Variants in DMRT1 observed in about 807,000 individuals in gnomAD.
DMRT1 encodes the protein doublesex and mab-3 related transcription factor 1.
Under a neutral mutation model 32.3 loss-of-function variants are expected in DMRT1, and 7 were observed. The observed-to-expected ratio is 0.22, with a 90% CI of 0.12 to 0.41. The LOEUF (loss-of-function observed/expected upper bound fraction) is 0.41, where lower values mean the gene tolerates loss of function less well. Among genes scored for constraint, DMRT1 ranks in the 10% least tolerant of loss-of-function variants. DMRT1 has a pLI of 1.00. For synonymous variants in DMRT1, 278 were observed against 206.1 expected, an observed-to-expected ratio of 1.35 and a Z score of -2.99; for missense variants, 625 against 500.5, an observed-to-expected ratio of 1.25 and a Z score of -2.37.
intron 2 of DMRT1, among the ~76,000 whole-genome samples, chr9:849,634 G>A (rs1356003495): frequency 1.3e-5 from 2 of 152,178 alleles, no homozygotes; most frequent in Non-Finnish European, 2.9e-5. Context: ...GGGTCAAGGA[G>A]GATTTAACCA....
intron 4 of DMRT1, among the ~76,000 whole-genome samples, chr9:957,441 A>G (rs909588122): frequency 2.0e-5 from 3 of 152,236 alleles, no homozygotes; most frequent in African/African-American, 7.2e-5. Context: ...TTATTTCAGA[A>G]AAGCCTACAC....
At chr9:924,507 A>G (rs1189281490) in intron 4 of DMRT1, among the ~76,000 whole-genome samples, 3 of 152,192 alleles carry the variant, frequency 2.0e-5, no homozygotes, top group African/African-American at 4.8e-5. Context: ...ATATACTTGT[A>G]TGTAGACCTT....
rs201243639 is a variant in DMRT1 at position 848,295 on chromosome 9, G to A, written c.538+1152G>A. ...TTTTTTTCCTCTTGTCAAAAATGAG[G>A]GAAAGGGTTCCTGAGGGTCTTAAAG... On this transcript the variant is annotated intron_variant, in intron 2 of 4. Transcript: ENST00000382276. 2.6e-5 allele frequency among the ~76,000 whole-genome samples: 4 copies of A among 152,198 alleles called. No homozygotes were observed. In the East Asian group the frequency reaches 7.7e-4, roughly 29 times the overall value.
At chr9:952,551 G>T (rs1042450765) in intron 4 of DMRT1, among the ~76,000 whole-genome samples, 1 of 152,204 alleles carries the variant, frequency 6.6e-6, no homozygotes, top group Non-Finnish European at 1.5e-5. Context: ...AAATTGGTCA[G>T]TTTTGAGATG....
Position 902,909 on chromosome 9 carries a change from T to C in DMRT1, c.822+8714T>C, listed in dbSNP as rs747723072. ...CAGGTACATGGTGAGGATGTAATGA[T>C]TGGGCCTACTAGGTCAGTAGGCAAG... On this transcript the variant is annotated intron_variant, in intron 3 of 4. Coordinates refer to ENST00000382276, the MANE Select transcript of DMRT1 (RefSeq NM_021951.3). 2.0e-5 allele frequency among the ~76,000 whole-genome samples: 3 copies of C among 152,144 alleles called. No homozygotes were observed. The South Asian group carries it at 6.2e-4, about 32-fold the overall frequency.
chr9:884,135 T>A (rs1023577333), intron 2 of DMRT1, among the ~76,000 whole-genome samples: 1 of 152,084 alleles, frequency 6.6e-6, no homozygotes, highest in African/African-American at 2.4e-5. Flanking sequence ...TGAGTGTGGA[T>A]CCAGATTTGA....
intron 3 of DMRT1, among the ~76,000 whole-genome samples, chr9:904,048 T>C (rs766697413): frequency 1.3e-5 from 2 of 152,226 alleles, no homozygotes; most frequent in Admixed American, 6.5e-5. Flanking sequence ...TACTTCACAA[T>C]TGAATCGGAG....
chr9:880,724 CAA>C (rs754419367), intron 2 of DMRT1, among the ~76,000 whole-genome samples: 33 of 62,088 alleles, frequency 5.3e-4, no homozygotes, highest in African/African-American at 8.7e-4. Context: ...AACTCAGTCT[CAA>C]AAAAAAAAAA....
intron 4 of DMRT1, among the ~76,000 whole-genome samples, chr9:942,952 A>G (rs75499547): frequency 0.012 from 1,795 of 152,314 alleles, 37 homozygotes; most frequent in African/African-American, 0.041. Context: ...GCAGGAATTC[A>G]AAACCAGATC....
At chr9:887,080 A>G (rs1030650824) in intron 2 of DMRT1, among the ~76,000 whole-genome samples, 6 of 152,130 alleles carry the variant, frequency 3.9e-5, no homozygotes, top group Non-Finnish European at 8.8e-5. Context: ...AATCTCAGCT[A>G]CTCCAGAGGC....
At position 894,031 on chromosome 9, in the gene DMRT1, C is replaced by T; in HGVS notation, c.658C>T (p.Pro220Ser). The change falls in exon 3 of 5, where the codon CCT becomes TCT. Residue 220 changes from proline (P) to serine (S), a missense_variant. Coordinates refer to ENST00000382276, the MANE Select transcript of DMRT1 (RefSeq NM_021951.3). ...YSSFYQPSLF[P>S]YYNNLYNCPQ... Reference sequence around the variant, plus strand: ...CAGCTTCTACCAGCCGTCTCTGTTTCCTTATTACAACAATCTATACAACTG... The same window carrying T: ...CAGCTTCTACCAGCCGTCTCTGTTTTCTTATTACAACAATCTATACAACTG... 6.2e-7 allele frequency: 1 copy of T among 1,614,258 alleles called. No individual in the cohort carries two copies.
At chr9:906,823 G>T (rs1170737466) in intron 3 of DMRT1, among the ~76,000 whole-genome samples, 2 of 152,154 alleles carry the variant, frequency 1.3e-5, no homozygotes, top group Non-Finnish European at 2.9e-5. Context: ...AAGTTTCCTT[G>T]GTTTAGTAGA....
chr9:966,223 T>C (rs1011897298), intron 4 of DMRT1, among the ~76,000 whole-genome samples: 1 of 152,240 alleles, frequency 6.6e-6, no homozygotes, highest in Non-Finnish European at 1.5e-5. Flanking sequence ...TTTAGTAAGA[T>C]ACTTTTATGA....
chr9:924,017 C>T (rs1818439520), intron 4 of DMRT1, among the ~76,000 whole-genome samples: 2 of 151,106 alleles, frequency 1.3e-5, no homozygotes, highest in South Asian at 2.1e-4. Flanking sequence ...TCCCAGGAGA[C>T]GAGGTCTTGC....
At chr9:933,469 C>G (rs982344625) in intron 4 of DMRT1, among the ~76,000 whole-genome samples, 3 of 152,278 alleles carry the variant, frequency 2.0e-5, no homozygotes, top group Non-Finnish European at 4.4e-5. Flanking sequence ...TAAGCCGATG[C>G]TGAATAGAGA....
chr9:894,470 T>C lies in DMRT1; in HGVS notation c.822+275T>C. 5.9e-6 allele frequency: 3 copies of C among 508,750 alleles called. 1 individual carries two copies. The highest frequency in any genetic ancestry group is 4.3e-5 in the South Asian group (2 of 46,268). 31.5% of individuals were successfully genotyped at this position (508,750 alleles called of 1,614,324 possible). Reference sequence around the variant, plus strand: ...ATTGGAAAGAAATAATGTACAAACTTGTTTTCTTTTTCAAATTTTACTTTT... The same window carrying C: ...ATTGGAAAGAAATAATGTACAAACTCGTTTTCTTTTTCAAATTTTACTTTT... On this transcript the variant is annotated intron_variant, in intron 3 of 4. Transcript: ENST00000382276.
intron 4 of DMRT1, among the ~76,000 whole-genome samples, chr9:924,934 C>T (rs936228530): frequency 6.6e-6 from 1 of 152,126 alleles, no homozygotes; most frequent in Admixed American, 6.5e-5. Flanking sequence ...CCCCACAAGG[C>T]AAACTGTGGG....
At chr9:862,118 G>A (rs1449070571) in intron 2 of DMRT1, among the ~76,000 whole-genome samples, 1 of 124,856 alleles carries the variant, frequency 8.0e-6, no homozygotes, top group Non-Finnish European at 1.8e-5. Flanking sequence ...GGCAGAGGCT[G>A]CAATCTCAGC....
intron 1 of DMRT1, among the ~76,000 whole-genome samples, chr9:845,937 C>A (rs924987555): frequency 3.3e-5 from 5 of 151,858 alleles, no homozygotes; most frequent in Admixed American, 3.3e-4. Flanking sequence ...TGACTTTCTT[C>A]TGTAGGAGTG....
Sources: allele counts gnomAD v4.1 joint callset (sites outside exome capture counted in the v4.1 genomes callset), GRCh38; gene constraint gnomAD v4.1.1; transcripts MANE v1.5; gene names NCBI Gene and HGNC (gene_info 2026-07-23, HGNC 2026-07-21).